The following FAXC variants were observed in gnomAD, a reference collection of about 807,000 sequenced individuals.
FAXC encodes the protein failed axon connections homolog.
A neutral mutation model predicts 41.9 loss-of-function variants in FAXC; 10 were observed. That is an observed-to-expected ratio of 0.24 (90% CI 0.15 to 0.41). The LOEUF (loss-of-function observed/expected upper bound fraction) is 0.41. FAXC is among the 10% of genes least tolerant of loss of function. The probability of loss-of-function intolerance (pLI) is 1.00; values close to 1 mark genes in which losing one functional copy is unlikely to be tolerated. For missense variants in FAXC, 399 were observed against 510.9 expected, an observed-to-expected ratio of 0.78 and a Z score of 2.11; for synonymous variants, 183 against 183.8, an observed-to-expected ratio of 1.00 and a Z score of 0.03.
rs1280420364 is a variant in FAXC at position 99,281,279 on chromosome 6, T to A, written c.1115A>T (p.Asp372Val). Residue 372 changes from aspartate (D) to valine (V), a missense_variant, in exon 6 of 6, where the codon GAT (aspartate) becomes GTT (valine). Around this residue, in one of 3 missense-constraint regions of FAXC, gnomAD observed 92 missense variants for 94.9 expected, o/e 0.97. Coordinates refer to ENST00000389677, the MANE Select transcript of FAXC (RefSeq NM_032511.4). Reference protein sequence around the residue: ...SFYSRTETFEDEGAENSFSRT... With the variant: ...SFYSRTETFEVEGAENSFSRT... The stretch of plus-strand genomic sequence containing the variant: ...GGAAAAACTGTTTTCTGCTCCCTCA[T>A]CTTCAAAGGTCTCTGTCCTTGAGTA... 1.2e-6 allele frequency: 2 copies of A among 1,614,084 alleles called. No individual in the cohort carries two copies. Among genetic ancestry groups the A allele is most frequent in the South Asian group, 2.2e-5 (2 of 91,096 alleles).
intron 4 of FAXC, among the ~76,000 whole-genome samples, chr6:99,317,868 G>T (rs1343999641): frequency 6.6e-6 from 1 of 152,150 alleles, no homozygotes; most frequent in South Asian, 2.1e-4. Context: ...ATACTAAAAA[G>T]GCAAAAGACA....
intron 3 of FAXC, among the ~76,000 whole-genome samples, chr6:99,331,413 G>A (rs1773019392): frequency 6.6e-6 from 1 of 152,138 alleles, no homozygotes; most frequent in South Asian, 2.1e-4. Context: ...CCCGCATGGA[G>A]TATCAGCTCG....
At position 99,291,699 on chromosome 6, in the gene FAXC, C is replaced by T. The variant is rs767798768; in HGVS notation, c.940+5G>A. Reference sequence around the variant, plus strand: ...CCAAAACCTGAAGAAGAGTGTAGGGCTTGCCTTTGATCAGCCGTTCGGGTC... The same window carrying T: ...CCAAAACCTGAAGAAGAGTGTAGGGTTTGCCTTTGATCAGCCGTTCGGGTC... On this transcript the variant is annotated splice_donor_5th_base_variant and intron_variant, in intron 5 of 5. Coordinates refer to ENST00000389677, the MANE Select transcript of FAXC (RefSeq NM_032511.4). 1.9e-6 allele frequency: 3 copies of T among 1,610,280 alleles called. No homozygotes were observed. Among genetic ancestry groups the T allele is most frequent in the Admixed American group, 3.3e-5 (2 of 60,022 alleles).
chr6:99,342,046 A>G (rs976279291), intron 2 of FAXC, among the ~76,000 whole-genome samples: 3 of 152,244 alleles, frequency 2.0e-5, no homozygotes, highest in African/African-American at 4.8e-5. Context: ...CAGCTCAAGC[A>G]TTACTCAGAG....
chr6:99,349,373 G>C lies in FAXC; in HGVS notation c.-1C>G, dbSNP rs777213212. 6.2e-7 allele frequency: 1 copy of C among 1,602,110 alleles called. No homozygotes were observed. The highest frequency in any genetic ancestry group is 8.5e-7 in the Non-Finnish European group (1 of 1,174,494). On this transcript the variant is annotated 5_prime_UTR_variant, in exon 1 of 6. Coordinates refer to ENST00000389677, the MANE Select transcript of FAXC (RefSeq NM_032511.4). ...AAGCAAAGCCAACCCCCCAGTGCAT[G>C]CTGCGCGGCTGGCTCCGGGCGCCCC... is the stretch of plus-strand genomic sequence containing the variant.
chr6:99,347,838 G>A (rs1184781352), intron 1 of FAXC, among the ~76,000 whole-genome samples: 2 of 152,198 alleles, frequency 1.3e-5, no homozygotes, highest in African/African-American at 4.8e-5. Flanking sequence ...AAATAATCTA[G>A]AGAGATAATT....
intron 5 of FAXC, among the ~76,000 whole-genome samples, chr6:99,290,571 G>T (rs1204093022): frequency 6.6e-6 from 1 of 151,494 alleles, no homozygotes; most frequent in Non-Finnish European, 1.5e-5. Context: ...GCATGGTGTT[G>T]CACTCCTGTA....
chr6:99,333,937 G>A (rs1404593970), intron 2 of FAXC, among the ~76,000 whole-genome samples: 1 of 152,104 alleles, frequency 6.6e-6, no homozygotes, highest in Admixed American at 6.6e-5. Context: ...TAAACCACAA[G>A]GAGGCCTGTA....
intron 3 of FAXC, among the ~76,000 whole-genome samples, chr6:99,324,793 A>C (rs1772733882): frequency 1.3e-5 from 2 of 152,206 alleles, no homozygotes; most frequent in South Asian, 4.1e-4. Flanking sequence ...CAGGCATAAG[A>C]CATTTTCATT....
intron 4 of FAXC, among the ~76,000 whole-genome samples, chr6:99,302,812 G>A (rs1242574405): frequency 6.6e-6 from 1 of 151,730 alleles, no homozygotes; most frequent in Admixed American, 6.6e-5. Flanking sequence ...TTATTTACCA[G>A]AGCTACATTC....
intron 4 of FAXC, among the ~76,000 whole-genome samples, chr6:99,315,247 A>C (rs1257640190): frequency 4.5e-5 from 6 of 133,384 alleles, no homozygotes; most frequent in Non-Finnish European, 9.5e-5. Context: ...AAAAAAAAAA[A>C]AAAAAAAAAA....
At chr6:99,327,909 C>T (rs1302851430) in intron 3 of FAXC, among the ~76,000 whole-genome samples, 1 of 152,198 alleles carries the variant, frequency 6.6e-6, no homozygotes, top group Non-Finnish European at 1.5e-5. Context: ...TATTTCTTAA[C>T]TACAAGGAAC....
intron 2 of FAXC, among the ~76,000 whole-genome samples, chr6:99,340,841 G>A (rs1041623270): frequency 3.3e-5 from 5 of 151,726 alleles, no homozygotes; most frequent in African/African-American, 4.8e-5. Context: ...GCTAATTTTC[G>A]TATTTTTAAT....
At chr6:99,345,096 C>T (rs904679669) in intron 1 of FAXC, among the ~76,000 whole-genome samples, 2 of 152,138 alleles carry the variant, frequency 1.3e-5, no homozygotes, top group African/African-American at 4.8e-5. Context: ...GCCTAAGGAA[C>T]ATCAATTTAA....
rs1425976422 is a variant in FAXC, at chr6:99,274,516, T to C, written c.*6648A>G. Reference sequence around the variant, plus strand: ...GACTCAGACCCTCAGTTTTCCAAACTTCACCATGGAAAAACCATCGCTGTC... The same window carrying C: ...GACTCAGACCCTCAGTTTTCCAAACCTCACCATGGAAAAACCATCGCTGTC... On this transcript the variant is annotated 3_prime_UTR_variant, in exon 6 of 6. Transcript: ENST00000389677. 6.6e-6 allele frequency: 1 copy of C among 152,202 alleles called. No individual in the cohort carries two copies. Among genetic ancestry groups the C allele is most frequent in the African/African-American group, 2.4e-5 (1 of 41,448 alleles). 9.4% of individuals were successfully genotyped at this position (152,202 alleles called of 1,614,324 possible).
At chr6:99,281,820 C>G (rs1024278871) in intron 5 of FAXC, among the ~76,000 whole-genome samples, 1 of 152,176 alleles carries the variant, frequency 6.6e-6, no homozygotes, top group African/African-American at 2.4e-5. Context: ...CCAGACTTTT[C>G]CAGACTCCAC....
At chr6:99,296,668 G>A (rs976396113) in intron 4 of FAXC, among the ~76,000 whole-genome samples, 2 of 152,162 alleles carry the variant, frequency 1.3e-5, no homozygotes, top group Admixed American at 6.5e-5. Context: ...GTAGCAAAGT[G>A]ACTTCAGGTT....
At chr6:99,317,109 T>A (rs1220012967) in intron 4 of FAXC, among the ~76,000 whole-genome samples, 3 of 152,214 alleles carry the variant, frequency 2.0e-5, no homozygotes, top group Non-Finnish European at 4.4e-5. Flanking sequence ...AATAAAATGC[T>A]GTAGCCTGGA....
chr6:99,347,547 G>T (rs546336675), intron 1 of FAXC, among the ~76,000 whole-genome samples: 1 of 152,338 alleles, frequency 6.6e-6, no homozygotes, highest in African/African-American at 2.4e-5. Context: ...CCAGTCTCCA[G>T]TGACAACACC....
Sources: gnomAD v4.1 joint callset for allele counts (sites outside exome capture counted in the v4.1 genomes callset) on GRCh38, gnomAD v4.1.1 for gene constraint, gnomAD v4.1.1 regional missense constraint, MANE v1.5 for transcripts, NCBI Gene and HGNC (gene_info 2026-07-23, HGNC 2026-07-21) for gene names.